Variants in CDH8 observed in about 807,000 individuals in gnomAD.
CDH8 encodes the protein cadherin 8.
CDH8 carries 17 observed loss-of-function variants against 68.1 expected under a neutral mutation model. That is an observed-to-expected ratio of 0.25 (90% confidence interval 0.17 to 0.37). The LOEUF (loss-of-function observed/expected upper bound fraction) is 0.37. CDH8 is among the 10% of genes least tolerant of loss of function. The probability of loss-of-function intolerance (pLI) is 1.00; values close to 1 mark genes in which losing one functional copy is unlikely to be tolerated. For synonymous variants in CDH8, 372 were observed against 365.1 expected, an observed-to-expected ratio of 1.02 and a Z score of -0.21; for missense variants, 763 against 999.3, an observed-to-expected ratio of 0.76 and a Z score of 3.19.
At chr16:61,966,883 AAT>A (rs1377029195) in intron 2 of CDH8, among the ~76,000 whole-genome samples, 3 of 152,108 alleles carry the variant, frequency 2.0e-5, no homozygotes, top group Non-Finnish European at 4.4e-5. Flanking sequence ...AACCATGAAA[AAT>A]ATGAGAGGAT....
At chr16:62,035,515 CGCGCTGGGGCTTTCGCAGCTGAGCCTT>C (rs1392525934) in intron 1 of CDH8, among the ~76,000 whole-genome samples, 4 of 152,180 alleles carry the variant, frequency 2.6e-5, no homozygotes, top group Non-Finnish European at 4.4e-5. Context: ...GGGAAAGCCT[CGCGCTGGGGCTTTCGCAGCTGAGCCTT>C]GGCCCGCAGC....
intron 2 of CDH8, among the ~76,000 whole-genome samples, chr16:61,982,272 T>G (rs895885438): frequency 1.3e-5 from 2 of 151,952 alleles, no homozygotes; most frequent in Non-Finnish European, 2.9e-5. Flanking sequence ...CAGGCTGGAG[T>G]GCAGTGGCGC....
chr16:61,941,655 TG>T (rs1964726608), intron 2 of CDH8, among the ~76,000 whole-genome samples: 2 of 152,236 alleles, frequency 1.3e-5, no homozygotes. Flanking sequence ...TTGATCAGGC[TG>T]GTCTTGAATT....
intron 1 of CDH8, among the ~76,000 whole-genome samples, chr16:62,024,632 A>G (rs1257294352): frequency 6.6e-6 from 1 of 152,216 alleles, no homozygotes; most frequent in Non-Finnish European, 1.5e-5. Flanking sequence ...ATGCAATGGC[A>G]TAGCTGGACT....
At chr16:61,841,996 T>C (rs1381558007) in intron 4 of CDH8, among the ~76,000 whole-genome samples, 7 of 151,748 alleles carry the variant, frequency 4.6e-5, no homozygotes, top group Non-Finnish European at 7.4e-5. Context: ...CACGCCATTC[T>C]CCTGCCTCAG....
intron 8 of CDH8, among the ~76,000 whole-genome samples, chr16:61,735,255 T>C (rs1171056154): frequency 2.0e-5 from 3 of 152,100 alleles, no homozygotes; most frequent in Admixed American, 6.6e-5. Flanking sequence ...GACATATCTT[T>C]TTTGAAGGCC....
intron 4 of CDH8, among the ~76,000 whole-genome samples, chr16:61,853,575 T>C (rs765022923): frequency 1.3e-5 from 2 of 152,180 alleles, no homozygotes; most frequent in Non-Finnish European, 1.5e-5. Flanking sequence ...GTCCCACATA[T>C]GTGGTGATGT....
At chr16:61,919,065 C>T (rs1964311338) in intron 2 of CDH8, among the ~76,000 whole-genome samples, 1 of 146,752 alleles carries the variant, frequency 6.8e-6, no homozygotes. Flanking sequence ...ACTGACACCT[C>T]ACACGGCAGG....
In CDH8 at chr16:61,682,308, A is replaced by G. The variant is rs536882642; in HGVS notation, c.1655-26587T>C. On this transcript the variant is annotated intron_variant, in intron 10 of 11. Transcript: ENST00000577390. ...AAATAGTAATTTTATTGTATTTTAG[A>G]ATTTGAAATGAAAAATATAGAAATC... is the stretch of plus-strand genomic sequence containing the variant. Among the ~76,000 whole-genome samples, 225 of 152,066 alleles carry G rather than the reference A, an allele frequency of 1.5e-3. 2 individuals carry two copies. Among genetic ancestry groups the G allele is most frequent in the Non-Finnish European group, 2.9e-3 (194 of 67,944 alleles).
At chr16:61,737,788 T>C (rs1189134200) in intron 8 of CDH8, among the ~76,000 whole-genome samples, 1 of 152,158 alleles carries the variant, frequency 6.6e-6, no homozygotes, top group Admixed American at 6.6e-5. Context: ...AACTGTATTC[T>C]TGCTGTGGTT....
chr16:61,756,090 A>C (rs1336412201), intron 8 of CDH8, among the ~76,000 whole-genome samples: 3 of 152,100 alleles, frequency 2.0e-5, no homozygotes, highest in Non-Finnish European at 4.4e-5. Flanking sequence ...CAAAGTGCTC[A>C]GATTACAGGC....
intron 10 of CDH8, among the ~76,000 whole-genome samples, chr16:61,684,370 T>C (rs112095645): frequency 5.9e-5 from 9 of 151,936 alleles, no homozygotes; most frequent in African/African-American, 2.2e-4. Context: ...CAGGTATTAC[T>C]TGAGAAGAAG....
chr16:61,812,193 A>T (rs1207187133), intron 7 of CDH8, among the ~76,000 whole-genome samples: 2 of 152,172 alleles, frequency 1.3e-5, no homozygotes, highest in Admixed American at 1.3e-4. Context: ...TACAGTATGA[A>T]ATATTTTCAC....
chr16:61,814,873 A>G (rs771552887), intron 7 of CDH8, among the ~76,000 whole-genome samples: 26 of 152,180 alleles, frequency 1.7e-4, no homozygotes, highest in Non-Finnish European at 1.2e-4. Context: ...CCATGATCCA[A>G]CTGGGGTGGA....
At chr16:61,975,896 G>A (rs1965426055) in intron 2 of CDH8, among the ~76,000 whole-genome samples, 1 of 152,156 alleles carries the variant, frequency 6.6e-6, no homozygotes, top group Non-Finnish European at 1.5e-5. Context: ...TGCCTACCCA[G>A]CTCCACTGAG....
chr16:61,797,910 A>G (rs928109399), intron 7 of CDH8, among the ~76,000 whole-genome samples: 1 of 152,146 alleles, frequency 6.6e-6, no homozygotes, highest in Admixed American at 6.5e-5. Flanking sequence ...AATTCATTTC[A>G]GGTCTCATTT....
chr16:61,897,508 A>T (rs962265615), intron 3 of CDH8, among the ~76,000 whole-genome samples: 7 of 152,204 alleles, frequency 4.6e-5, no homozygotes, highest in African/African-American at 1.7e-4. Flanking sequence ...AATGGACTTG[A>T]TGTTTGCAGA....
chr16:62,005,153 G>C (rs1351981944), intron 2 of CDH8, among the ~76,000 whole-genome samples: 1 of 152,196 alleles, frequency 6.6e-6, no homozygotes, highest in Non-Finnish European at 1.5e-5. Flanking sequence ...CCAGGTCACA[G>C]TACATAACTG....
chr16:61,981,414 G>T (rs1174119860), intron 2 of CDH8, among the ~76,000 whole-genome samples: 1 of 151,930 alleles, frequency 6.6e-6, no homozygotes, highest in African/African-American at 2.4e-5. Flanking sequence ...TTAGTTCCAC[G>T]GGCTTCTATT....
Sources: allele counts gnomAD v4.1 joint callset (sites outside exome capture counted in the v4.1 genomes callset), GRCh38; gene constraint gnomAD v4.1.1; transcripts MANE v1.5; gene names NCBI Gene and HGNC (gene_info 2026-07-23, HGNC 2026-07-21).